The following ULK4 variants were observed in gnomAD, a reference collection of about 807,000 sequenced individuals.
ULK4 encodes the protein inactive serine/threonine-protein kinase ULK4.
A neutral mutation model predicts 160.6 loss-of-function variants in ULK4; 133 were observed. The observed-to-expected ratio is 0.83, with a 90% CI of 0.72 to 0.96. ULK4 has a LOEUF of 0.96. Among genes scored for constraint, ULK4 ranks in the 40% least tolerant of loss-of-function variants. The pLI is 0.00. For synonymous variants in ULK4, 534 were observed against 539.8 expected, an observed-to-expected ratio of 0.99 and a Z score of 0.15; for missense variants, 1,580 against 1,499.5, an observed-to-expected ratio of 1.05 and a Z score of -0.89.
chr3:41,921,456 A>T (rs534196921), intron 5 of ULK4, among the ~76,000 whole-genome samples: 1 of 152,008 alleles, frequency 6.6e-6, no homozygotes, highest in Non-Finnish European at 1.5e-5. Flanking sequence ...ATAAAAAAAA[A>T]TACAAAAAAT....
intron 32 of ULK4, among the ~76,000 whole-genome samples, chr3:41,475,467 TAA>T (rs1381458979): frequency 2.0e-5 from 3 of 152,140 alleles, no homozygotes; most frequent in Admixed American, 6.5e-5. Flanking sequence ...TCAAAATCAC[TAA>T]GAGTATACAT....
At chr3:41,896,184 C>T (rs979214755) in intron 15 of ULK4, among the ~76,000 whole-genome samples, 1 of 152,208 alleles carries the variant, frequency 6.6e-6, no homozygotes, top group African/African-American at 2.4e-5. Flanking sequence ...ACCCCCGACC[C>T]ATTCCACATG....
intron 25 of ULK4, among the ~76,000 whole-genome samples, chr3:41,714,829 G>A (rs974693371): frequency 7.1e-6 from 1 of 140,106 alleles, no homozygotes; most frequent in East Asian, 1.9e-4. Flanking sequence ...TCCAGCCTGG[G>A]CAACAGAGCG....
intron 35 of ULK4, among the ~76,000 whole-genome samples, chr3:41,374,921 T>G (rs1373138214): frequency 2.0e-5 from 3 of 152,212 alleles, no homozygotes; most frequent in African/African-American, 7.2e-5. Context: ...CTTAAGCTGA[T>G]AAGCAACTTC....
At position 41,715,458 on chromosome 3, in the gene ULK4, C is replaced by G. The variant is rs373340083; in HGVS notation, c.2566G>C (p.Val856Leu). ...CAATACAATAGTACCTGTGAAGTTA[C>G]GAGGTGAAGCACTACAGGCATCAGG... is the stretch of plus-strand genomic sequence containing the variant. ...LPLMPVVLHL[V>L]TSQVFRPQVV... Residue 856 changes from valine (V) to leucine (L), a missense_variant, in exon 24 of 37, where the codon GTA becomes CTA. Transcript: ENST00000301831. 76 of 1,614,074 alleles carry G rather than the reference C, an allele frequency of 4.7e-5. 1 individual carries two copies. Among genetic ancestry groups the G allele is most frequent in the South Asian group, 2.1e-4 (19 of 91,078 alleles).
Position 41,641,098 on chromosome 3 carries a change from C to G in ULK4, c.3071+22509G>C, listed in dbSNP as rs1416525644. Reference sequence around the variant, plus strand: ...CCCGGACCCCAGCCTGAGATTCAGACTGCAGCCACTATAAGTCTTTTCCAG... The same window carrying G: ...CCCGGACCCCAGCCTGAGATTCAGAGTGCAGCCACTATAAGTCTTTTCCAG... On this transcript the variant is annotated intron_variant, in intron 30 of 36. Coordinates refer to ENST00000301831, the MANE Select transcript of ULK4 (RefSeq NM_017886.4). Among the ~76,000 whole-genome samples the G allele has an allele frequency of 2.0e-5, 3 of 152,296 alleles. No homozygotes were observed. In the East Asian group the frequency reaches 5.8e-4, roughly 29 times the overall value.
At chr3:41,721,370 T>A (rs1452839395) in intron 22 of ULK4, among the ~76,000 whole-genome samples, 2 of 121,406 alleles carry the variant, frequency 1.6e-5, no homozygotes, top group East Asian at 2.2e-4. Flanking sequence ...ATATTTTTTT[T>A]TTTTTTTTTT....
chr3:41,561,423 A>G (rs996642415), intron 32 of ULK4, among the ~76,000 whole-genome samples: 3 of 152,218 alleles, frequency 2.0e-5, no homozygotes, highest in African/African-American at 7.2e-5. Flanking sequence ...TTATTGGAAT[A>G]GTTTCTGAAG....
intron 21 of ULK4, among the ~76,000 whole-genome samples, chr3:41,767,343 G>T (rs543111633): frequency 6.6e-6 from 1 of 152,080 alleles, no homozygotes; most frequent in Non-Finnish European, 1.5e-5. Flanking sequence ...ATCTGAATTT[G>T]ATTTTTATTA....
At chr3:41,470,033 A>AAAC (rs1559626276) in intron 32 of ULK4, among the ~76,000 whole-genome samples, 4 of 146,204 alleles carry the variant, frequency 2.7e-5, no homozygotes, top group Non-Finnish European at 4.5e-5. Context: ...AAAAAAAAAA[A>AAAC]AAAAAAAAAA....
intron 25 of ULK4, among the ~76,000 whole-genome samples, chr3:41,706,405 ATAAT>A (rs2036888232): frequency 1.4e-5 from 2 of 145,748 alleles, no homozygotes; most frequent in Non-Finnish European, 3.0e-5. Context: ...TTAAATATAT[ATAAT>A]TAAATATATA....
chr3:41,642,236 C>A (rs548421817), intron 30 of ULK4, among the ~76,000 whole-genome samples: 4 of 151,914 alleles, frequency 2.6e-5, no homozygotes, highest in African/African-American at 9.7e-5. Flanking sequence ...ATGTGCACAA[C>A]GTGCAGGTTT....
chr3:41,411,295 C>T (rs1296624516), intron 34 of ULK4, among the ~76,000 whole-genome samples: 1 of 152,156 alleles, frequency 6.6e-6, no homozygotes, highest in Non-Finnish European at 1.5e-5. Flanking sequence ...AACATCAACA[C>T]ATACCTTTGG....
intron 16 of ULK4, among the ~76,000 whole-genome samples, chr3:41,892,878 T>C (rs995124012): frequency 6.6e-6 from 1 of 152,230 alleles, no homozygotes; most frequent in African/African-American, 2.4e-5. Flanking sequence ...TACATGGTTA[T>C]ATTTCTTCCC....
intron 34 of ULK4, among the ~76,000 whole-genome samples, chr3:41,424,771 T>A (rs1269800321): frequency 1.6e-5 from 2 of 126,376 alleles, no homozygotes; most frequent in African/African-American, 3.1e-5. Context: ...AAAAACCACA[T>A]CCAAAGGCGA....
chr3:41,566,516 T>C (rs2087789049), intron 31 of ULK4, among the ~76,000 whole-genome samples: 1 of 152,242 alleles, frequency 6.6e-6, no homozygotes, highest in African/African-American at 2.4e-5. Context: ...GCAGTTTCAA[T>C]ATTATGCTGG....
chr3:41,906,686 A>G (rs2148797966), intron 12 of ULK4, among the ~76,000 whole-genome samples: 2 of 152,264 alleles, frequency 1.3e-5, no homozygotes, highest in Non-Finnish European at 2.9e-5. Flanking sequence ...TACAACTTGG[A>G]TAAATCTTGA....
chr3:41,431,547 C>CATTTTTTTTTTTTTTTTTTTT lies in ULK4; in HGVS notation c.3492+23949_3492+23950insAAAAAAAAAAAAAAAAAAAAT, dbSNP rs563543377. Among the ~76,000 whole-genome samples the CATTTTTTTTTTTTTTTTTTTT allele has an allele frequency of 7.0e-4, 67 of 95,864 alleles. 4 individuals are homozygous for CATTTTTTTTTTTTTTTTTTTT. Among genetic ancestry groups the CATTTTTTTTTTTTTTTTTTTT allele is most frequent in the African/African-American group, 2.7e-3 (63 of 23,684 alleles). 62.9% of individuals were successfully genotyped at this position (95,864 alleles called of 152,430 possible). ...CCTGTGAGGTGTTGTAATTCCCTCC[C>CATTTTTTTTTTTTTTTTTTTT]TTTTTTTTTTTTTTTGATGTGGAAA... On this transcript the variant is annotated intron_variant, in intron 34 of 36. Transcript: ENST00000301831.
At position 41,259,013 on chromosome 3, in the gene ULK4, TATAC is replaced by T. The variant is rs567286065; in HGVS notation, c.3679-9443_3679-9440del. ...ATACATATATACATATGTATACATA[TATAC>T]ATATCTATGTGTATATATACGTATA... On this transcript the variant is annotated intron_variant, in intron 35 of 36. Coordinates refer to ENST00000301831, the MANE Select transcript of ULK4 (RefSeq NM_017886.4). Among the ~76,000 whole-genome samples the T allele has an allele frequency of 8.8e-5, 13 of 148,366 alleles. No individual in the cohort carries two copies. In the Admixed American group the frequency reaches 8.8e-4, roughly 10 times the overall value.
Sources: gnomAD v4.1 joint callset for allele counts (sites outside exome capture counted in the v4.1 genomes callset) on GRCh38, gnomAD v4.1.1 for gene constraint, MANE v1.5 for transcripts, NCBI Gene and HGNC (gene_info 2026-07-23, HGNC 2026-07-21) for gene names.